Variants in LRRTM3 observed in about 807,000 individuals in gnomAD.
LRRTM3 encodes the protein leucine-rich repeat transmembrane neuronal protein 3.
LRRTM3 carries 24 observed loss-of-function variants against 44.7 expected under a neutral mutation model. The ratio of observed to expected loss-of-function variants is 0.54; its 90% confidence interval spans 0.39 to 0.76. The LOEUF (loss-of-function observed/expected upper bound fraction) is 0.76. LRRTM3 is among the 30% of genes least tolerant of loss of function. LRRTM3 has a pLI of 0.00. For missense variants in LRRTM3, 587 were observed against 702.2 expected (o/e 0.84, Z 1.85); for synonymous variants, 277 against 278.7 (o/e 0.99, Z 0.06).
intron 2 of LRRTM3, among the ~76,000 whole-genome samples, chr10:67,056,496 C>G (rs1205990569): frequency 6.6e-6 from 1 of 152,228 alleles, no homozygotes; most frequent in East Asian, 1.9e-4. Context: ...CTTGTGAAAC[C>G]AAGATCCACT....
intron 2 of LRRTM3, among the ~76,000 whole-genome samples, chr10:67,000,424 T>A (rs189215021): frequency 6.6e-6 from 1 of 152,180 alleles, no homozygotes; most frequent in Non-Finnish European, 1.5e-5. Flanking sequence ...GATCTACTTA[T>A]TGTGATGATG....
chr10:67,059,177 C>A (rs1053920735), intron 2 of LRRTM3, among the ~76,000 whole-genome samples: 6 of 152,060 alleles, frequency 3.9e-5, no homozygotes, highest in Admixed American at 3.9e-4. Context: ...AACATAACAT[C>A]CACTTTCTAA....
At chr10:66,971,725 C>T (rs1446010386) in intron 2 of LRRTM3, among the ~76,000 whole-genome samples, 1 of 152,106 alleles carries the variant, frequency 6.6e-6, no homozygotes, top group Non-Finnish European at 1.5e-5. Context: ...AATTTGCAGG[C>T]AATTCCTGGC....
At chr10:67,061,326 T>C (rs1347256869) in intron 2 of LRRTM3, among the ~76,000 whole-genome samples, 1 of 152,226 alleles carries the variant, frequency 6.6e-6, no homozygotes, top group Admixed American at 6.5e-5. Flanking sequence ...GCTACACCAA[T>C]ATGTGAACTA....
At chr10:67,059,155 T>C (rs1285850163) in intron 2 of LRRTM3, among the ~76,000 whole-genome samples, 79 of 152,200 alleles carry the variant, frequency 5.2e-4, no homozygotes. Context: ...TTCAGAGTTC[T>C]AGTAACAAGG....
At chr10:67,021,820 G>A (rs1371005347) in intron 2 of LRRTM3, among the ~76,000 whole-genome samples, 1 of 152,140 alleles carries the variant, frequency 6.6e-6, no homozygotes, top group African/African-American at 2.4e-5. Context: ...CAAATGAAAG[G>A]AAGTACTATA....
chr10:67,045,412 G>GT (rs1417776743), intron 2 of LRRTM3, among the ~76,000 whole-genome samples: 8 of 152,002 alleles, frequency 5.3e-5, no homozygotes, highest in Non-Finnish European at 8.8e-5. Context: ...ATTTTTGTTG[G>GT]TTTTTTTGTT....
chr10:67,012,282 G>A (rs1852384541), intron 2 of LRRTM3: 1 of 152,176 alleles, frequency 6.6e-6, no homozygotes, highest in South Asian at 2.1e-4. Flanking sequence ...TTCATGGGTA[G>A]AGAACTGAAA....
At chr10:67,049,241 A>G (rs1283270125) in intron 2 of LRRTM3, among the ~76,000 whole-genome samples, 5 of 152,054 alleles carry the variant, frequency 3.3e-5, no homozygotes, top group Admixed American at 6.6e-5. Flanking sequence ...TTCCATATTG[A>G]TCATGTAGAC....
intron 2 of LRRTM3, among the ~76,000 whole-genome samples, chr10:67,001,199 G>C (rs759951757): frequency 1.3e-5 from 2 of 151,292 alleles, no homozygotes; most frequent in Non-Finnish European, 2.9e-5. Context: ...TACTCGGGAG[G>C]GTGAGGCAGG....
chr10:67,073,115 G>A (rs1439811020), intron 2 of LRRTM3, among the ~76,000 whole-genome samples: 1 of 152,118 alleles, frequency 6.6e-6, no homozygotes, highest in African/African-American at 2.4e-5. Context: ...TGCATGCCTT[G>A]GAATAATTTT....
chr10:66,987,086 A>T (rs1197395028), intron 2 of LRRTM3, among the ~76,000 whole-genome samples: 1 of 152,204 alleles, frequency 6.6e-6, no homozygotes, highest in Non-Finnish European at 1.5e-5. Context: ...TCCCGACGTG[A>T]AGTCCTTTTA....
Position 66,928,283 on chromosome 10 carries a change from C to A in LRRTM3, c.1367C>A (p.Ser456Tyr). 6.2e-7 allele frequency: 1 copy of A among 1,614,120 alleles called. No individual in the cohort carries two copies. The highest frequency in any genetic ancestry group is 8.5e-7 in the Non-Finnish European group (1 of 1,180,022). ...PASMKQLQQR[S>Y]LMRRHRKKKR... is the part of the protein sequence containing the mutation. The stretch of plus-strand genomic sequence containing the variant: ...AGCATGAAGCAGCTGCAGCAGCGCT[C>A]CCTCATGCGAAGGCACAGGAAAAAG... The change falls in exon 2 of 3, where the codon TCC becomes TAC. Residue 456 changes from serine (S) to tyrosine (Y), a missense_variant. Physicochemically the swap from Ser to Tyr is moderately radical, Grantham distance 144. This residue lies in a region of LRRTM3 where 315 missense variants were observed against 335.6 expected (regional missense o/e 0.94). Coordinates refer to ENST00000361320, the MANE Select transcript of LRRTM3 (RefSeq NM_178011.5).
intron 2 of LRRTM3, among the ~76,000 whole-genome samples, chr10:67,057,452 C>T (rs1052581987): frequency 6.6e-6 from 1 of 152,164 alleles, no homozygotes; most frequent in African/African-American, 2.4e-5. Flanking sequence ...GCTACCTACC[C>T]TTCTACTCTC....
intron 2 of LRRTM3, among the ~76,000 whole-genome samples, chr10:67,013,851 C>T (rs1156724664): frequency 3.9e-5 from 6 of 151,944 alleles, no homozygotes; most frequent in Non-Finnish European, 8.8e-5. Context: ...AGATACAGGC[C>T]CACTCTCACA....
At chr10:66,992,080 C>G (rs556866124) in intron 2 of LRRTM3, among the ~76,000 whole-genome samples, 1 of 152,276 alleles carries the variant, frequency 6.6e-6, no homozygotes, top group Non-Finnish European at 1.5e-5. Flanking sequence ...CTTCCTCAGC[C>G]TTATCAGATG....
At chr10:66,997,656 C>G (rs1431325032) in intron 2 of LRRTM3, among the ~76,000 whole-genome samples, 1 of 152,140 alleles carries the variant, frequency 6.6e-6, no homozygotes, top group Non-Finnish European at 1.5e-5. Context: ...TCTCTCTGTT[C>G]TATCACATTT....
intron 2 of LRRTM3, among the ~76,000 whole-genome samples, chr10:67,048,704 T>G (rs962270335): frequency 2.6e-5 from 4 of 152,018 alleles, no homozygotes; most frequent in African/African-American, 9.7e-5. Context: ...AGGATCAAAG[T>G]TCAAAAACAG....
At chr10:67,089,883 T>C (rs1857529010) in intron 2 of LRRTM3, among the ~76,000 whole-genome samples, 1 of 152,024 alleles carries the variant, frequency 6.6e-6, no homozygotes, top group Non-Finnish European at 1.5e-5. Flanking sequence ...TGTGTCTTCA[T>C]CATGTTTGTT....
Sources: gnomAD v4.1 joint callset for allele counts (sites outside exome capture counted in the v4.1 genomes callset) on GRCh38, gnomAD v4.1.1 for gene constraint, gnomAD v4.1.1 regional missense constraint, MANE v1.5 for transcripts, NCBI Gene and HGNC (gene_info 2026-07-23, HGNC 2026-07-21) for gene names.